ZSCAN25: variants seen among roughly 807,000 people sequenced by gnomAD.
ZSCAN25 encodes zinc finger and SCAN domain-containing protein 25.
A neutral mutation model predicts 38.7 loss-of-function variants in ZSCAN25; 27 were observed. The ratio of observed to expected loss-of-function variants is 0.70; its 90% CI spans 0.51 to 0.96. The LOEUF (loss-of-function observed/expected upper bound fraction) is 0.96, where lower values mean the gene tolerates loss of function less well. ZSCAN25 is among the 40% of genes least tolerant of loss of function. The probability of loss-of-function intolerance (pLI) is 0.00; values close to 1 mark genes in which losing one functional copy is unlikely to be tolerated. For synonymous variants in ZSCAN25, 273 were observed against 277.7 expected, an observed-to-expected ratio of 0.98 and a Z score of 0.17; for missense variants, 637 against 705.9, an observed-to-expected ratio of 0.90 and a Z score of 1.11.
intron 7 of ZSCAN25, chr7:99,624,543 T>C (rs1807296805): frequency 1.7e-5 from 4 of 239,556 alleles, no homozygotes; most frequent in South Asian, 6.6e-5. Context: ...GCTCCCTGCA[T>C]GTGGGCCCTG....
chr7:99,726,869 A>G, the ZSCAN25 span, among the ~76,000 whole-genome samples: 120 of 152,214 alleles, frequency 7.9e-4, no homozygotes, highest in Non-Finnish European at 1.2e-3. Context: ...ACCTCAGCAT[A>G]ATTCTTCATG....
At chr7:99,668,953 A>C in the ZSCAN25 span, among the ~76,000 whole-genome samples, 1 of 152,216 alleles carries the variant, frequency 6.6e-6, no homozygotes. Context: ...TGTAGATGAT[A>C]GGTGTTTAAT....
the ZSCAN25 span, chr7:99,722,288 A>C: frequency 6.8e-6 from 11 of 1,613,656 alleles, no homozygotes; most frequent in Non-Finnish European, 8.5e-6. Flanking sequence ...ATCTTCCAGA[A>C]TACTCACCCC....
At chr7:99,730,906 G>A in the ZSCAN25 span, 1 of 998,532 alleles carries the variant, frequency 1.0e-6, no homozygotes, top group Admixed American at 2.6e-5. Flanking sequence ...GAGCCCCAGG[G>A]TAAACTTTGC....
chr7:99,651,263 T>TAC, the ZSCAN25 span, among the ~76,000 whole-genome samples: 1 of 152,144 alleles, frequency 6.6e-6, no homozygotes, highest in Non-Finnish European at 1.5e-5. Context: ...AATATATATA[T>TAC]ACACACACAT....
chr7:99,718,592 G>A, the ZSCAN25 span, among the ~76,000 whole-genome samples: 1 of 152,110 alleles, frequency 6.6e-6, no homozygotes, highest in South Asian at 2.1e-4. Context: ...CATTCTTGAT[G>A]ATGAAAGACC....
At chr7:99,669,718 G>A in the ZSCAN25 span, among the ~76,000 whole-genome samples, 1 of 152,182 alleles carries the variant, frequency 6.6e-6, no homozygotes, top group African/African-American at 2.4e-5. Flanking sequence ...TGAATATAAT[G>A]TCACTGAAGA....
the ZSCAN25 span, among the ~76,000 whole-genome samples, chr7:99,661,169 A>G: frequency 1.3e-5 from 2 of 152,228 alleles, no homozygotes; most frequent in Admixed American, 6.5e-5. Context: ...TAAAGGACCA[A>G]TACTGAGCTA....
the ZSCAN25 span, among the ~76,000 whole-genome samples, chr7:99,734,508 G>T: frequency 8.9e-4 from 135 of 152,230 alleles, no homozygotes; most frequent in African/African-American, 3.2e-3. Context: ...ATGAATGGGG[G>T]AGATGCTTAT....
chr7:99,659,605 C>G, the ZSCAN25 span: 59 of 152,728 alleles, frequency 3.9e-4, no homozygotes, highest in East Asian at 8.5e-3. Flanking sequence ...TCAAAGCTGT[C>G]AGACAGGGAC....
the ZSCAN25 span, chr7:99,707,670 T>A: frequency 7.2e-7 from 1 of 1,388,814 alleles, no homozygotes; most frequent in African/African-American, 1.4e-5. Context: ...CCCTTAAAGA[T>A]CATAGATGGG....
the ZSCAN25 span, chr7:99,710,912 A>G: frequency 6.2e-7 from 1 of 1,613,494 alleles, no homozygotes; most frequent in South Asian, 1.1e-5. Flanking sequence ...GAGAAAAGAC[A>G]TTTTAGGTAA....
rs76632668 is a variant in ZSCAN25, at chr7:99,620,057, A to G, written c.387+64A>G. On this transcript the variant is annotated intron_variant, in intron 4 of 7. Coordinates refer to ENST00000394152, the MANE Select transcript of ZSCAN25 (RefSeq NM_145115.3). ...TGGGCAGGGAATGTTAAAGAATCCA[A>G]AGATTTGAGGAAGCAGTAGGAGTGG... 3.4e-4 allele frequency: 517 copies of G among 1,502,666 alleles called. 3 individuals are homozygous for G. The African/African-American group carries it at 5.8e-3, about 17-fold the overall frequency. 93.1% of individuals were successfully genotyped at this position (1,502,666 alleles called of 1,614,324 possible).
At chr7:99,665,203 TA>T in the ZSCAN25 span, 1 of 1,613,966 alleles carries the variant, frequency 6.2e-7, no homozygotes, top group South Asian at 1.1e-5. Context: ...AACCAAATTT[TA>T]GGAACTTCTT....
chr7:99,635,790 G>A (rs556874945), downstream of ZSCAN25, among the ~76,000 whole-genome samples: 1 of 152,326 alleles, frequency 6.6e-6, no homozygotes, highest in East Asian at 1.9e-4. Flanking sequence ...GCTCATGCCT[G>A]TAATCCCAGC....
the ZSCAN25 span, among the ~76,000 whole-genome samples, chr7:99,706,725 C>G: frequency 6.6e-6 from 1 of 152,242 alleles, no homozygotes; most frequent in Admixed American, 6.5e-5. Context: ...AGCACACACA[C>G]ATGCAAATAC....
At chr7:99,635,014 C>T (rs1239489604), downstream of ZSCAN25, among the ~76,000 whole-genome samples, 1 of 152,154 alleles carries the variant, frequency 6.6e-6, no homozygotes, top group Non-Finnish European at 1.5e-5. Context: ...ACTTAATCCA[C>T]TTCTGAGACA....
chr7:99,617,830 A>G (rs1235520002), intron 1 of ZSCAN25, among the ~76,000 whole-genome samples: 2 of 152,230 alleles, frequency 1.3e-5, no homozygotes, highest in South Asian at 2.1e-4. Flanking sequence ...GAGATAAAAG[A>G]TGAATGAGGA....
chr7:99,715,775 G>A, the ZSCAN25 span: 1 of 1,613,782 alleles, frequency 6.2e-7, no homozygotes, highest in Non-Finnish European at 8.5e-7. Context: ...GAGAACGAAT[G>A]GATCTAATGG....
Sources: gnomAD v4.1 joint callset for allele counts (sites outside exome capture counted in the v4.1 genomes callset) on GRCh38, gnomAD v4.1.1 for gene constraint, MANE v1.5 for transcripts, NCBI Gene and HGNC (gene_info 2026-07-23, HGNC 2026-07-21) for gene names.